Variants in ARFGEF2 observed in about 807,000 individuals in gnomAD.
ARFGEF2 encodes brefeldin A-inhibited guanine nucleotide-exchange protein 2.
A neutral mutation model predicts 219.9 loss-of-function variants in ARFGEF2; 74 were observed. That is an observed-to-expected ratio of 0.34 (90% CI 0.28 to 0.41). The LOEUF is 0.41. ARFGEF2 is among the 10% of genes least tolerant of loss of function. The pLI is 1.00. For missense variants in ARFGEF2, 1,743 were observed against 2,218.3 expected (o/e 0.79, Z 4.30); for synonymous variants, 733 against 799.2 (o/e 0.92, Z 1.40).
chr20:48,937,320 T>G (rs2123303096), intron 1 of ARFGEF2, among the ~76,000 whole-genome samples: 1 of 152,368 alleles, frequency 6.6e-6, no homozygotes, highest in East Asian at 1.9e-4. Flanking sequence ...CTCCATGGGC[T>G]TCCTCCCATC....
At chr20:48,922,174 G>A (rs1483509966) in intron 1 of ARFGEF2, among the ~76,000 whole-genome samples, 164 bp downstream of exon 1, 1 of 152,182 alleles carries the variant, frequency 6.6e-6, no homozygotes, top group Non-Finnish European at 1.5e-5. Flanking sequence ...AGTGTTGCCC[G>A]GGCAGCTCGG....
At chr20:49,022,002 A>G (rs935829869) in intron 34 of ARFGEF2, among the ~76,000 whole-genome samples, 1 of 151,512 alleles carries the variant, frequency 6.6e-6, no homozygotes, top group African/African-American at 2.4e-5. Context: ...ACAAAAAACT[A>G]GCTGACACAG....
intron 10 of ARFGEF2, among the ~76,000 whole-genome samples, 162 bp downstream of exon 10, chr20:48,971,516 G>C (rs1170769512): frequency 6.6e-6 from 1 of 152,140 alleles, no homozygotes; most frequent in Non-Finnish European, 1.5e-5. Context: ...GAAGTGGGCA[G>C]GGGCAGGGAG....
chr20:48,968,560 C>G (rs569668549), intron 8 of ARFGEF2, among the ~76,000 whole-genome samples: 4 of 151,868 alleles, frequency 2.6e-5, no homozygotes, highest in African/African-American at 9.7e-5. Context: ...TGAGGTTTCA[C>G]TATGTTGGCC....
intron 36 of ARFGEF2, among the ~76,000 whole-genome samples, chr20:49,025,922 C>T (rs753230026): frequency 1.5e-3 from 219 of 149,084 alleles, no homozygotes; most frequent in Middle Eastern, 3.5e-3. Context: ...GCGGAGGTTG[C>T]GGTGAGCCGA....
At chr20:48,980,617 A>G (rs1247706156) in intron 14 of ARFGEF2, among the ~76,000 whole-genome samples, 3 of 152,176 alleles carry the variant, frequency 2.0e-5, no homozygotes, top group African/African-American at 7.2e-5. Context: ...TTGGGAGTCT[A>G]AGTCTCTTTG....
rs143592602 is a variant in ARFGEF2, at chr20:48,991,410, T to C, written c.2973+212T>C. Reference sequence around the variant, plus strand: ...GAGCACCCTTGCACCCAGCAGCCAGTGTCCCCCATGAAGTGTACTTCTGTT... The same window carrying C: ...GAGCACCCTTGCACCCAGCAGCCAGCGTCCCCCATGAAGTGTACTTCTGTT... On this transcript the variant is annotated intron_variant, in intron 21 of 38. Transcript: ENST00000371917. Among the ~76,000 whole-genome samples, 474 of 151,892 alleles carry C rather than the reference T, an allele frequency of 3.1e-3. 12 individuals are homozygous for C. The East Asian group carries it at 0.035, about 11-fold the overall frequency.
intron 37 of ARFGEF2, among the ~76,000 whole-genome samples, chr20:49,030,828 C>T (rs972504001): frequency 6.6e-6 from 1 of 152,060 alleles, no homozygotes; most frequent in African/African-American, 2.4e-5. Flanking sequence ...CCTGTCTCTA[C>T]TAAAAATACA....
At chr20:48,960,449 T>G (rs1327259105) in intron 6 of ARFGEF2, among the ~76,000 whole-genome samples, 1 of 152,002 alleles carries the variant, frequency 6.6e-6, no homozygotes, top group African/African-American at 2.4e-5. Flanking sequence ...TTATAAACAC[T>G]GTACACTTAG....
At chr20:48,995,723 C>A in intron 22 of ARFGEF2, 60 bp from the exon 23 acceptor site, 1 of 1,436,348 alleles carries the variant, frequency 7.0e-7, no homozygotes, top group Non-Finnish European at 9.8e-7. Flanking sequence ...TAACAGGATG[C>A]TTTGTTCTAA....
intron 20 of ARFGEF2, 95 bp from the exon 21 acceptor site, chr20:48,990,945 A>G: frequency 7.3e-7 from 1 of 1,365,756 alleles, no homozygotes; most frequent in Non-Finnish European, 1.0e-6. Context: ...GCATACAAAA[A>G]GTATCAGAGA....
intron 21 of ARFGEF2, among the ~76,000 whole-genome samples, chr20:48,992,759 A>G (rs1477590142): frequency 6.6e-6 from 1 of 152,206 alleles, no homozygotes; most frequent in Non-Finnish European, 1.5e-5. Flanking sequence ...TAACTGAGTT[A>G]TGGCTGGGCA....
Position 48,942,473 on chromosome 20 carries a change from G to GTT in ARFGEF2, c.276+512_276+513dup, listed in dbSNP as rs58144046. 2.0e-3 allele frequency among the ~76,000 whole-genome samples: 149 copies of GTT among 73,518 alleles called. 3 individuals are homozygous for GTT. Among genetic ancestry groups the GTT allele is most frequent in the Non-Finnish European group, 2.5e-3 (102 of 41,630 alleles). The allele number at this position is 73,518 out of a possible 152,430, so 48.2% of individuals were successfully genotyped here. Reference sequence around the variant, plus strand: ...TGGCTCAGCCTTTCTTTCTTACTTGGTTTTTTTTTTTTTTTTTTTTTTTTT... The same window carrying GTT: ...TGGCTCAGCCTTTCTTTCTTACTTGGTTTTTTTTTTTTTTTTTTTTTTTTTTT... On this transcript the variant is annotated intron_variant, in intron 3 of 38. Coordinates refer to ENST00000371917, the MANE Select transcript of ARFGEF2 (RefSeq NM_006420.3).
At chr20:49,000,977 G>A (rs907426624) in intron 25 of ARFGEF2, among the ~76,000 whole-genome samples, 2 of 149,384 alleles carry the variant, frequency 1.3e-5, no homozygotes, top group South Asian at 4.3e-4. Context: ...ACATTTAATT[G>A]TCATCAACTT....
chr20:49,005,232 TG>T lies in ARFGEF2; in HGVS notation c.3584+12del. On this transcript the variant is annotated intron_variant, in intron 26 of 38. Transcript: ENST00000371917. ...TATGAAGAAAAACAGGTATGTGTTT[TG>T]CTCTGGAAGACGCTTGGTCAAATTC... 6.2e-7 allele frequency: 1 copy of T among 1,614,106 alleles called. No individual in the cohort carries two copies. Among genetic ancestry groups the T allele is most frequent in the Non-Finnish European group, 8.5e-7 (1 of 1,180,028 alleles).
At chr20:48,985,111 G>C (rs1015434588) in intron 15 of ARFGEF2, among the ~76,000 whole-genome samples, 1 of 152,032 alleles carries the variant, frequency 6.6e-6, no homozygotes, top group Non-Finnish European at 1.5e-5. Context: ...AGTGTTCCTT[G>C]ACTGCTAGAA....
Position 49,013,919 on chromosome 20 carries a change from C to T in ARFGEF2, c.4138C>T (p.Arg1380Trp), listed in dbSNP as rs780749916. The T allele has an allele frequency of 1.5e-5, 24 of 1,613,842 alleles. No individual in the cohort carries two copies. Among genetic ancestry groups the T allele is most frequent in the African/African-American group, 8.0e-5 (6 of 74,860 alleles). The change falls in exon 30 of 39, where the codon CGG becomes TGG. Residue 1380 changes from arginine (R) to tryptophan (W), a missense_variant. Arg to Trp is a moderately radical substitution (Grantham distance 101). Around this residue, in one of 5 missense-constraint regions of ARFGEF2, gnomAD observed 578 missense variants for 664.0 expected, o/e 0.87. Coordinates refer to ENST00000371917, the MANE Select transcript of ARFGEF2 (RefSeq NM_006420.3). ...GCAGGACCTGTTCAGAATCGTGTTTCGGATTTTTGACAATATGAAACTCCC... is the reference window on the plus strand; with the variant it reads ...GCAGGACCTGTTCAGAATCGTGTTTTGGATTTTTGACAATATGAAACTCCC... ...WWQDLFRIVF[R>W]IFDNMKLPEQ...
chr20:49,031,936 A>T (rs554238272), intron 37 of ARFGEF2, 113 bp from the exon 38 acceptor site: 10 of 909,532 alleles, frequency 1.1e-5, no homozygotes, highest in East Asian at 7.3e-5. Flanking sequence ...AAAAGTAATT[A>T]AAAAAAACAT....
chr20:48,995,719 G>A, intron 22 of ARFGEF2, 64 bp from the exon 23 acceptor site: 1 of 1,389,572 alleles, frequency 7.2e-7, no homozygotes, highest in Non-Finnish European at 1.0e-6. Flanking sequence ...GACATAACAG[G>A]ATGCTTTGTT....
Sources: allele counts gnomAD v4.1 joint callset (sites outside exome capture counted in the v4.1 genomes callset), GRCh38; gene constraint gnomAD v4.1.1; regional missense constraint gnomAD v4.1.1; transcripts MANE v1.5; gene names NCBI Gene and HGNC (gene_info 2026-07-23, HGNC 2026-07-21).